MALRD1: variants seen among roughly 807,000 people sequenced by gnomAD.
MALRD1 encodes the protein MAM and LDL-receptor class A domain-containing protein 1.
A neutral mutation model predicts 242.1 loss-of-function variants in MALRD1; 247 were observed. The observed-to-expected ratio is 1.02, with a 90% confidence interval of 0.92 to 1.13. The LOEUF is 1.13. Among genes scored for constraint, MALRD1 ranks in the 50% most tolerant of loss-of-function variants. The pLI, the probability that MALRD1 is intolerant of heterozygous loss-of-function variation, is 0.00. For synonymous variants in MALRD1, 995 were observed against 866.6 expected, an observed-to-expected ratio of 1.15 and a Z score of -2.60; for missense variants, 2,989 against 2,533.1, an observed-to-expected ratio of 1.18 and a Z score of -3.86.
At chr10:19,238,241 A>T (rs1277603929) in intron 18 of MALRD1, among the ~76,000 whole-genome samples, 8 of 59,712 alleles carry the variant, frequency 1.3e-4, no homozygotes, top group South Asian at 5.2e-4. Context: ...ATTATATATA[A>T]TATGTAATAT....
chr10:19,645,899 T>C (rs1214959801), intron 36 of MALRD1, among the ~76,000 whole-genome samples: 2 of 152,028 alleles, frequency 1.3e-5, no homozygotes, highest in African/African-American at 4.8e-5. Context: ...AAGAAATGGA[T>C]AGGAGTCAAA....
intron 12 of MALRD1, among the ~76,000 whole-genome samples, chr10:19,161,248 C>G (rs529819258): frequency 5.2e-4 from 62 of 120,156 alleles, no homozygotes; most frequent in South Asian, 7.8e-4. Flanking sequence ...TAAACTATCG[C>G]AAGAACAAAA....
At chr10:19,116,475 A>G (rs888175760) in intron 5 of MALRD1, among the ~76,000 whole-genome samples, 1 of 152,204 alleles carries the variant, frequency 6.6e-6, no homozygotes, top group African/African-American at 2.4e-5. Flanking sequence ...CTTCCTTGAA[A>G]TCCACTACAA....
chr10:19,327,539 C>T lies in MALRD1; in HGVS notation c.3577-24C>T. 2.6e-6 allele frequency: 4 copies of T among 1,521,104 alleles called. 1 individual carries two copies. The South Asian group carries it at 4.8e-5, about 18-fold the overall frequency. 94.2% of individuals were successfully genotyped at this position (1,521,104 alleles called of 1,614,324 possible). ...TTCTCAAGATAAAATACTTCAGTGC[C>T]TTTTACTTGATTTATCTCTATAGGT... On this transcript the variant is annotated intron_variant, in intron 22 of 39. Transcript: ENST00000454679.
At chr10:19,086,276 A>T (rs1835666289) in intron 2 of MALRD1, among the ~76,000 whole-genome samples, 1 of 152,020 alleles carries the variant, frequency 6.6e-6, no homozygotes, top group African/African-American at 2.4e-5. Context: ...TCTTTTAATG[A>T]TGTGACAATT....
intron 32 of MALRD1, among the ~76,000 whole-genome samples, chr10:19,532,649 C>T (rs893353069): frequency 6.6e-5 from 10 of 151,414 alleles, no homozygotes; most frequent in African/African-American, 1.5e-4. Flanking sequence ...AATGAGAGAA[C>T]GAAAAAAGGC....
At chr10:19,171,429 C>T (rs5783656) in intron 13 of MALRD1, among the ~76,000 whole-genome samples, 19,859 of 60,438 alleles carry the variant, frequency 0.33, 3,413 homozygotes, top group African/African-American at 0.58. Context: ...ATTTTATATA[C>T]ATATATATAT....
rs767384867 is a variant in MALRD1 at position 19,148,788 on chromosome 10, A to AATATATATATATATAT, written c.1558+2451_1558+2466dup. The stretch of plus-strand genomic sequence containing the variant: ...AAGGGCCAATTAAAAAAAAAAAAAA[A>AATATATATATATATAT]ATATATATATATATATATATATCTG... On this transcript the variant is annotated intron_variant, in intron 11 of 39. Transcript: ENST00000454679. 8.7e-4 allele frequency among the ~76,000 whole-genome samples: 77 copies of AATATATATATATATAT among 88,016 alleles called. 1 individual carries two copies. The highest frequency in any genetic ancestry group is 1.6e-3 in the Non-Finnish European group (63 of 40,620). The allele number at this position is 88,016 out of a possible 152,430, so 57.7% of individuals were successfully genotyped here. A position where few individuals can be genotyped will look rare whatever the true frequency, so the allele number is the denominator to read the frequency against.
rs1837338920 is a variant in MALRD1 at position 19,128,109 on chromosome 10, A to T, written c.944-112A>T. 9 of 675,542 alleles carry T rather than the reference A, an allele frequency of 1.3e-5. No homozygotes were observed. In the Admixed American group the frequency reaches 3.0e-4, roughly 23 times the overall value. The allele number at this position is 675,542 out of a possible 1,614,324, so 41.8% of individuals were successfully genotyped here. ...GAAAACGCTCTATCCTTTTAAGTAA[A>T]ATATTTGTGTTTTAAGTCTAGTTTT... On this transcript the variant is annotated intron_variant, in intron 7 of 39. Coordinates refer to ENST00000454679, the MANE Select transcript of MALRD1 (RefSeq NM_001142308.3).
intron 28 of MALRD1, among the ~76,000 whole-genome samples, chr10:19,443,480 A>C (rs1180287089): frequency 6.6e-6 from 1 of 152,188 alleles, no homozygotes; most frequent in Middle Eastern, 3.2e-3. Context: ...TTCCCTCTAC[A>C]CACTGCTTTA....
intron 8 of MALRD1, 131 bp downstream of exon 8, chr10:19,128,518 T>C (rs1366795093): frequency 3.8e-6 from 2 of 530,752 alleles, no homozygotes; most frequent in Non-Finnish European, 5.7e-6. Context: ...TGGTATACTT[T>C]TAAAAAGAAT....
chr10:19,539,875 T>C (rs1411379905), intron 32 of MALRD1, among the ~76,000 whole-genome samples: 1 of 78,602 alleles, frequency 1.3e-5, no homozygotes, highest in Non-Finnish European at 2.5e-5. Context: ...TGTGTGTGTG[T>C]GTGTGTGTGT....
chr10:19,463,835 A>G (rs565671024), intron 29 of MALRD1, among the ~76,000 whole-genome samples: 2 of 152,152 alleles, frequency 1.3e-5, no homozygotes, highest in Admixed American at 6.5e-5. Context: ...TCCCACCAGC[A>G]GTGTAAAAGT....
intron 14 of MALRD1, among the ~76,000 whole-genome samples, chr10:19,194,695 T>C (rs1468664040): frequency 6.6e-6 from 1 of 152,186 alleles, no homozygotes; most frequent in East Asian, 1.9e-4. Flanking sequence ...GACCCCATTT[T>C]ATATGACAGC....
chr10:19,330,044 A>G (rs1843298248), intron 23 of MALRD1, among the ~76,000 whole-genome samples: 1 of 152,146 alleles, frequency 6.6e-6, no homozygotes, highest in Admixed American at 6.6e-5. Context: ...TATTTTGCAT[A>G]TCAATATTTT....
chr10:19,250,875 A>G (rs1306869110), intron 18 of MALRD1, among the ~76,000 whole-genome samples: 1 of 151,938 alleles, frequency 6.6e-6, no homozygotes, highest in Non-Finnish European at 1.5e-5. Flanking sequence ...ATTAGCAGAA[A>G]GAATTCTCTG....
intron 33 of MALRD1, among the ~76,000 whole-genome samples, chr10:19,571,075 A>G (rs927106746): frequency 6.6e-6 from 1 of 152,114 alleles, no homozygotes; most frequent in African/African-American, 2.4e-5. Context: ...TGTTTTTCCA[A>G]TAGTTATTCC....
At chr10:19,621,503 A>G (rs1317236974) in intron 36 of MALRD1, among the ~76,000 whole-genome samples, 1 of 151,758 alleles carries the variant, frequency 6.6e-6, no homozygotes, top group Non-Finnish European at 1.5e-5. Flanking sequence ...ATGTAAATGT[A>G]TTCAGAAATT....
intron 12 of MALRD1, among the ~76,000 whole-genome samples, chr10:19,163,137 T>TAAAAAAAA (rs58034381): frequency 1.6e-4 from 7 of 43,854 alleles, no homozygotes; most frequent in Admixed American, 3.5e-4. Flanking sequence ...AAACCCTGTC[T>TAAAAAAAA]AAAAAAAAAA....
Sources: allele counts gnomAD v4.1 joint callset (sites outside exome capture counted in the v4.1 genomes callset), GRCh38; gene constraint gnomAD v4.1.1; transcripts MANE v1.5; gene names NCBI Gene and HGNC (gene_info 2026-07-23, HGNC 2026-07-21).